The following PSAT1 variants were observed in gnomAD, a reference collection of about 807,000 sequenced individuals.
PSAT1 encodes phosphoserine aminotransferase.
Under a neutral mutation model 40.3 loss-of-function variants are expected in PSAT1, and 41 were observed. That is an observed-to-expected ratio of 1.02 (90% CI 0.79 to 1.32). PSAT1 has a LOEUF of 1.32. PSAT1 is among the 40% of genes most tolerant of loss of function. The pLI, the probability that PSAT1 is intolerant of heterozygous loss-of-function variation, is 0.00. For synonymous variants in PSAT1, 147 were observed against 170.5 expected, an observed-to-expected ratio of 0.86 and a Z score of 1.07; for missense variants, 406 against 455.8, an observed-to-expected ratio of 0.89 and a Z score of 0.99.
At chr9:78,309,298 C>G (rs933471065) in intron 6 of PSAT1, among the ~76,000 whole-genome samples, 4 of 152,256 alleles carry the variant, frequency 2.6e-5, no homozygotes, top group African/African-American at 9.6e-5. Context: ...TCATTTCTTT[C>G]TCTGTCGGGC....
rs775393361 is a variant in PSAT1 at position 78,329,012 on chromosome 9, A to C, written c.1039A>C (p.Asn347His). The C allele has an allele frequency of 3.7e-6, 6 of 1,613,766 alleles. No homozygotes were observed. The highest frequency in any genetic ancestry group is 5.1e-6 in the Non-Finnish European group (6 of 1,179,822). Residue 347 changes from asparagine (N) to histidine (H), a missense_variant, in exon 9 of 9, where the codon AAT becomes CAT. Coordinates refer to ENST00000376588, the MANE Select transcript of PSAT1 (RefSeq NM_058179.4). ...SVGGIRASLY[N>H]AVTIEDVQKL... ...GGGAGGCATCCGGGCCTCTCTGTAT[A>C]ATGCTGTCACAATTGAAGACGTTCA...
rs543536110 is a variant in PSAT1 at position 78,314,355 on chromosome 9, G to A, written c.741-3321G>A. On this transcript the variant is annotated intron_variant, in intron 6 of 8. Transcript: ENST00000376588. ...AGACATCAGTGCTCTGCAGAGGGCT[G>A]GGTGGGAGGGGAGGCAGGACCTCTT... Among the ~76,000 whole-genome samples the A allele has an allele frequency of 7.6e-5, 7 of 92,626 alleles. 1 individual carries two copies. Among genetic ancestry groups the A allele is most frequent in the Admixed American group, 5.6e-4 (5 of 8,906 alleles). The allele number at this position is 92,626 out of a possible 152,430, so 60.8% of individuals were successfully genotyped here.
At chr9:78,314,498 G>T (rs1374417115) in intron 6 of PSAT1, among the ~76,000 whole-genome samples, 1 of 149,026 alleles carries the variant, frequency 6.7e-6, no homozygotes, top group African/African-American at 2.5e-5. Flanking sequence ...CTAGACATCA[G>T]TGCTCTGCAG....
chr9:78,297,388 C>CAG, intron 1 of PSAT1, 118 bp downstream of exon 1: 3 of 1,206,014 alleles, frequency 2.5e-6, no homozygotes, highest in Middle Eastern at 2.7e-4. Flanking sequence ...GTCCCCTAGG[C>CAG]GCTTTGCATC....
chr9:78,300,638 AAAG>A lies in PSAT1; in HGVS notation c.98_100del (p.Lys33_Gly34delinsArg). ...GATACAAAAGGAATTATTAGACTAC[AAAG>A]GAGTTGGCATTAGTGTTCTTGGTAA... On this transcript the variant is annotated inframe_deletion, in exon 2 of 9. Transcript: ENST00000376588. 1 of 1,610,964 alleles carries A rather than the reference AAAG, an allele frequency of 6.2e-7. No individual in the cohort carries two copies. The highest frequency in any genetic ancestry group is 8.5e-7 in the Non-Finnish European group (1 of 1,179,294).
intron 7 of PSAT1, among the ~76,000 whole-genome samples, chr9:78,318,013 C>A (rs1243687251): frequency 2.6e-5 from 4 of 152,110 alleles, no homozygotes; most frequent in Non-Finnish European, 5.9e-5. Context: ...GGCTTTGGGA[C>A]CTGTGTCCCA....
rs1335876504 is a variant in PSAT1, at chr9:78,317,809, G to A, written c.869+5G>A. The A allele has an allele frequency of 2.5e-6, 4 of 1,612,144 alleles. No individual in the cohort carries two copies. The highest frequency in any genetic ancestry group is 3.4e-6 in the Non-Finnish European group (4 of 1,179,616). On this transcript the variant is annotated splice_donor_5th_base_variant and intron_variant, in intron 7 of 8. Coordinates refer to ENST00000376588, the MANE Select transcript of PSAT1 (RefSeq NM_058179.4). ...TAATTCTCAAGGATTCTACGTGTAA[G>A]TCAATGGATTTTATCTCCTATTTTG... is the stretch of plus-strand genomic sequence containing the variant.
At chr9:78,313,325 A>G (rs1828294017) in intron 6 of PSAT1, among the ~76,000 whole-genome samples, 1 of 152,228 alleles carries the variant, frequency 6.6e-6, no homozygotes, top group African/African-American at 2.4e-5. Flanking sequence ...AGATCGTGCC[A>G]CTGCACTCCA....
At chr9:78,328,891 C>T (rs878992556) in intron 8 of PSAT1, 90 bp from the exon 9 acceptor site, 1 of 1,001,374 alleles carries the variant, frequency 1.0e-6, no homozygotes, top group South Asian at 1.3e-5. Flanking sequence ...TCAGGTGCTG[C>T]AACTCTCAGG....
intron 1 of PSAT1, among the ~76,000 whole-genome samples, chr9:78,299,863 A>T (rs1179810897): frequency 2.0e-5 from 3 of 152,036 alleles, no homozygotes; most frequent in African/African-American, 7.2e-5. Context: ...GTTGCAATCC[A>T]GTTTAGGTTA....
intron 5 of PSAT1, among the ~76,000 whole-genome samples, chr9:78,307,822 A>C (rs1469883975): frequency 3.9e-5 from 6 of 152,118 alleles, no homozygotes. Flanking sequence ...AGGGTGGATC[A>C]TGAGATCAGG....
At chr9:78,317,305 T>A (rs946857676) in intron 6 of PSAT1, among the ~76,000 whole-genome samples, 1 of 152,098 alleles carries the variant, frequency 6.6e-6, no homozygotes, top group Non-Finnish European at 1.5e-5. Flanking sequence ...CAGGCTAGAG[T>A]GCATTGGTGT....
At chr9:78,304,260 T>C (rs1192269647) in intron 3 of PSAT1, among the ~76,000 whole-genome samples, 9 of 152,246 alleles carry the variant, frequency 5.9e-5, no homozygotes, top group Admixed American at 1.3e-4. Context: ...GTTCTCTTCA[T>C]TGGGTGGCCA....
At chr9:78,317,950 C>A in intron 7 of PSAT1, 146 bp downstream of exon 7, 2 of 1,034,232 alleles carry the variant, frequency 1.9e-6, no homozygotes, top group Non-Finnish European at 2.9e-6. Context: ...GCCCCATGAG[C>A]AGGGGAGTGG....
chr9:78,329,017 T>C lies in PSAT1; in HGVS notation c.1044T>C (p.Ala348=). Residue 348 remains alanine (A), a synonymous_variant, in exon 9 of 9, where the codon GCT becomes GCC. Coordinates refer to ENST00000376588, the MANE Select transcript of PSAT1 (RefSeq NM_058179.4). The part of the protein sequence containing the change: ...VGGIRASLYN[A]VTIEDVQKLA... ...GCATCCGGGCCTCTCTGTATAATGC[T>C]GTCACAATTGAAGACGTTCAGAAGC... 4.3e-6 allele frequency: 7 copies of C among 1,613,760 alleles called. No homozygotes were observed. The highest frequency in any genetic ancestry group is 5.9e-6 in the Non-Finnish European group (7 of 1,179,848).
chr9:78,306,633 G>T (rs1828188711), intron 5 of PSAT1, 147 bp downstream of exon 5: 1 of 1,006,192 alleles, frequency 9.9e-7, no homozygotes. Context: ...CAGGCTGCCA[G>T]GTGCGAATTC....
intron 6 of PSAT1, among the ~76,000 whole-genome samples, chr9:78,316,250 T>G (rs1329196748): frequency 6.6e-6 from 1 of 152,128 alleles, no homozygotes; most frequent in Non-Finnish European, 1.5e-5. Context: ...CAGGAAGAAG[T>G]TGAAATACTT....
At chr9:78,300,536 T>C in intron 1 of PSAT1, 66 bp from the exon 2 acceptor site, 1 of 1,546,668 alleles carries the variant, frequency 6.5e-7, no homozygotes, top group Non-Finnish European at 8.7e-7. Flanking sequence ...GTCAGGTTTG[T>C]ATGTTCAGAG....
At chr9:78,328,689 T>C (rs1828537504) in intron 8 of PSAT1, among the ~76,000 whole-genome samples, 1 of 152,236 alleles carries the variant, frequency 6.6e-6, no homozygotes, top group Non-Finnish European at 1.5e-5. Flanking sequence ...AGAATCGCTA[T>C]CTTCTTCCAA....
Sources: allele counts gnomAD v4.1 joint callset (sites outside exome capture counted in the v4.1 genomes callset), GRCh38; gene constraint gnomAD v4.1.1; transcripts MANE v1.5; gene names NCBI Gene and HGNC (gene_info 2026-07-23, HGNC 2026-07-21).